The following MID1 variants were observed in gnomAD, a reference collection of about 807,000 sequenced individuals.
MID1 encodes E3 ubiquitin-protein ligase Midline-1.
Under a neutral mutation model 40.4 loss-of-function variants are expected in MID1, and 7 were observed. The observed-to-expected ratio is 0.17, with a 90% CI of 0.10 to 0.33. MID1 has a LOEUF of 0.33. Among genes scored for constraint, MID1 ranks in the 10% least tolerant of loss-of-function variants. The pLI, the probability that MID1 is intolerant of heterozygous loss-of-function variation, is 1.00. For synonymous variants in MID1, 229 were observed against 221.2 expected (o/e 1.04, Z -0.31); for missense variants, 367 against 558.5 (o/e 0.66, Z 3.46).
intron 1 of MID1, among the ~76,000 whole-genome samples, chrX:10,586,775 C>T (rs1043868451): frequency 1.2e-4 from 13 of 112,632 alleles, no homozygotes; most frequent in Non-Finnish European, 2.3e-4. Context: ...TTGGAAACCC[C>T]GTCTAGTTGT....
intron 1 of MID1, among the ~76,000 whole-genome samples, chrX:10,580,530 C>T (rs1934985102): frequency 9.0e-6 from 1 of 111,171 alleles, no homozygotes; most frequent in Admixed American, 9.6e-5. Flanking sequence ...ATATCTTATA[C>T]TTTTCTTCTG....
At chrX:10,574,524 C>T (rs187971469) in intron 1 of MID1, among the ~76,000 whole-genome samples, 85 of 111,942 alleles carry the variant, frequency 7.6e-4, no homozygotes, top group Admixed American at 5.8e-3. Flanking sequence ...ATAAGGAGAT[C>T]GCCCATCATC....
chrX:10,829,830 G>A (rs1425252442), intron 1 of MID1, among the ~76,000 whole-genome samples: 1 of 111,702 alleles, frequency 9.0e-6, no homozygotes, highest in African/African-American at 3.3e-5. Flanking sequence ...GACCTTAGAA[G>A]TAATGGCAGC....
intron 2 of MID1, among the ~76,000 whole-genome samples, chrX:10,535,500 G>C (rs1195827492): frequency 8.9e-6 from 1 of 111,993 alleles, no homozygotes; most frequent in African/African-American, 3.2e-5. Flanking sequence ...TATTAAAACA[G>C]TGCTTAGCGG....
At chrX:10,631,655 T>G (rs1020301778) in intron 1 of MID1, among the ~76,000 whole-genome samples, 1 of 112,489 alleles carries the variant, frequency 8.9e-6, no homozygotes, top group Non-Finnish European at 1.9e-5. Context: ...TGACTCAGTT[T>G]CCATCGTGCA....
At chrX:10,565,588 G>A in intron 2 of MID1, 1 of 311,409 alleles carries the variant, frequency 3.2e-6, no homozygotes, top group Non-Finnish European at 6.2e-6. Context: ...TGAGAGGAAG[G>A]ACTTCAATAT....
chrX:10,594,019 G>A (rs1244828073), intron 1 of MID1, among the ~76,000 whole-genome samples: 3 of 111,440 alleles, frequency 2.7e-5, no homozygotes, highest in Admixed American at 1.9e-4. Flanking sequence ...TTCTTAGAGG[G>A]AGAAAAGATC....
intron 1 of MID1, among the ~76,000 whole-genome samples, chrX:10,809,530 A>G (rs1447334620): frequency 1.8e-5 from 2 of 111,735 alleles, no homozygotes; most frequent in Admixed American, 1.9e-4. Flanking sequence ...AACCAACCCA[A>G]ATGTCCATCA....
chrX:10,786,031 A>ATCTC (rs2043880233), intron 1 of MID1, among the ~76,000 whole-genome samples: 1 of 111,620 alleles, frequency 9.0e-6, no homozygotes. Flanking sequence ...TGAACAGGCA[A>ATCTC]CCTACAGAAT....
intron 3 of MID1, among the ~76,000 whole-genome samples, chrX:10,519,658 C>T (rs1932613870): frequency 8.9e-6 from 1 of 111,978 alleles, no homozygotes; most frequent in South Asian, 3.8e-4. Flanking sequence ...CTGATTCCTC[C>T]CTTTCTTTCC....
At chrX:10,517,280 G>C (rs1428234237) in intron 3 of MID1, among the ~76,000 whole-genome samples, 1 of 111,535 alleles carries the variant, frequency 9.0e-6, no homozygotes, top group Non-Finnish European at 1.9e-5. Context: ...CCTTCAGGAA[G>C]AGGAAAAGGA....
At chrX:10,611,719 C>G (rs1935740231) in intron 1 of MID1, among the ~76,000 whole-genome samples, 2 of 111,484 alleles carry the variant, frequency 1.8e-5, no homozygotes, top group Non-Finnish European at 3.8e-5. Flanking sequence ...CTCTCTTTAT[C>G]ATGCAGAAGT....
intron 1 of MID1, among the ~76,000 whole-genome samples, chrX:10,757,949 A>G (rs2043643645): frequency 9.4e-6 from 1 of 105,830 alleles, no homozygotes; most frequent in South Asian, 3.8e-4. Context: ...TGGTCTCATA[A>G]GTCACTTTAT....
At chrX:10,524,383 T>G (rs927395139) in intron 2 of MID1, among the ~76,000 whole-genome samples, 1 of 110,341 alleles carries the variant, frequency 9.1e-6, no homozygotes, top group Non-Finnish European at 1.9e-5. Flanking sequence ...TAACTAACAC[T>G]AATGACAGCT....
At chrX:10,749,777 TA>T (rs755795382) in intron 1 of MID1, among the ~76,000 whole-genome samples, 45 of 111,037 alleles carry the variant, frequency 4.1e-4, no homozygotes, top group African/African-American at 1.4e-3. Context: ...CACACACTTT[TA>T]AACAGTCAGC....
intron 1 of MID1, among the ~76,000 whole-genome samples, chrX:10,637,759 T>G (rs1253431665): frequency 8.9e-6 from 1 of 112,018 alleles, no homozygotes; most frequent in Non-Finnish European, 1.9e-5. Flanking sequence ...TCTGGGCTCC[T>G]AATTAATGCC....
intron 2 of MID1, among the ~76,000 whole-genome samples, chrX:10,532,892 C>T (rs902288507): frequency 1.9e-5 from 2 of 104,908 alleles, no homozygotes; most frequent in African/African-American, 7.0e-5. Flanking sequence ...CTCAGCCTCC[C>T]GAGTAGCTGG....
chrX:10,670,575 C>A (rs909022381), intron 1 of MID1, among the ~76,000 whole-genome samples: 2 of 112,013 alleles, frequency 1.8e-5, no homozygotes, highest in Non-Finnish European at 3.8e-5. Flanking sequence ...TAATGAAGAA[C>A]AACTACGTCA....
Position 10,567,095 on chromosome X carries a change from C to A in MID1, c.453G>T (p.Pro151=). Residue 151 remains proline, a synonymous_variant, in exon 2 of 10, where the codon CCG becomes CCT. Transcript: ENST00000317552. Reference sequence around the variant, plus strand: ...GATGGCCTGTAAAGGGCTTCTTATTCGGGTGAGTGGCTTTCAGGCACTCGT... The same window carrying A: ...GATGGCCTGTAAAGGGCTTCTTATTAGGGTGAGTGGCTTTCAGGCACTCGT... ...YCDECLKATH[P]NKKPFTGHRL... is the part of the protein sequence containing the mutation. 1 of 1,211,585 alleles carries A rather than the reference C, an allele frequency of 8.3e-7. No homozygotes were observed. The highest frequency in any genetic ancestry group is 2.3e-4 in the Middle Eastern group (1 of 4,353).
Sources: gnomAD v4.1 joint callset for allele counts (sites outside exome capture counted in the v4.1 genomes callset) on GRCh38, gnomAD v4.1.1 for gene constraint, MANE v1.5 for transcripts, NCBI Gene and HGNC (gene_info 2026-07-23, HGNC 2026-07-21) for gene names.